FRMD4A: variants seen among roughly 807,000 people sequenced by gnomAD.
FRMD4A encodes FERM domain-containing protein 4A.
FRMD4A carries 29 observed loss-of-function variants against 129.1 expected under a neutral mutation model. The observed-to-expected ratio is 0.22, with a 90% CI of 0.17 to 0.31. FRMD4A has a LOEUF of 0.31. Among genes scored for constraint, FRMD4A ranks in the 10% least tolerant of loss-of-function variants. The pLI, the probability that FRMD4A is intolerant of heterozygous loss-of-function variation, is 1.00. For synonymous variants in FRMD4A, 634 were observed against 571.6 expected, an observed-to-expected ratio of 1.11 and a Z score of -1.56; for missense variants, 1,272 against 1,375.8, an observed-to-expected ratio of 0.92 and a Z score of 1.19.
At chr10:13,972,134 T>C in intron 2 of FRMD4A, 1 of 1,073,232 alleles carries the variant, frequency 9.3e-7, no homozygotes, top group Non-Finnish European at 1.1e-6. Context: ...CTCAGTGGAC[T>C]GAGGCTGGCT....
intron 2 of FRMD4A, among the ~76,000 whole-genome samples, chr10:13,868,255 A>T (rs996504107): frequency 6.6e-6 from 1 of 152,044 alleles, no homozygotes; most frequent in Non-Finnish European, 1.5e-5. Context: ...TAAAAATTTT[A>T]TATAACCATT....
chr10:13,654,000 C>A, intron 23 of FRMD4A: 1 of 303,996 alleles, frequency 3.3e-6, no homozygotes, highest in Non-Finnish European at 5.9e-6. Context: ...CATCCTAAGA[C>A]ACTGGCTGTT....
At chr10:13,712,797 G>T (rs1015171878) in intron 12 of FRMD4A, among the ~76,000 whole-genome samples, 6 of 152,214 alleles carry the variant, frequency 3.9e-5, no homozygotes, top group African/African-American at 1.4e-4. Context: ...AAACAAAAGT[G>T]GGTAATAAAT....
chr10:13,904,550 T>C (rs2094858804), intron 2 of FRMD4A, among the ~76,000 whole-genome samples: 1 of 152,218 alleles, frequency 6.6e-6, no homozygotes, highest in African/African-American at 2.4e-5. Context: ...GCTTTGTGTT[T>C]TAATAATTTT....
intron 2 of FRMD4A, among the ~76,000 whole-genome samples, chr10:13,939,299 T>C (rs575811381): frequency 2.4e-4 from 36 of 152,350 alleles, no homozygotes; most frequent in Admixed American, 1.9e-3. Flanking sequence ...ATTTTGGATC[T>C]ACTTTTTATT....
chr10:13,911,173 T>C (rs1029615542), intron 2 of FRMD4A, among the ~76,000 whole-genome samples: 1 of 152,044 alleles, frequency 6.6e-6, no homozygotes, highest in Non-Finnish European at 1.5e-5. Flanking sequence ...TCATGAAGAG[T>C]GGCTCACAAA....
intron 2 of FRMD4A, among the ~76,000 whole-genome samples, chr10:14,213,454 G>T (rs11258945): frequency 0.017 from 2,551 of 152,236 alleles, 85 homozygotes; most frequent in East Asian, 0.15. Context: ...GCTTGTCTGA[G>T]GCCACACAGA....
chr10:14,026,934 TTC>T (rs1214331817), intron 2 of FRMD4A, among the ~76,000 whole-genome samples: 11 of 152,192 alleles, frequency 7.2e-5, no homozygotes, highest in South Asian at 2.1e-4. Flanking sequence ...ACATCAAATT[TTC>T]TTTCTTTTTT....
chr10:14,185,114 G>A (rs77724053), intron 2 of FRMD4A, among the ~76,000 whole-genome samples: 2,003 of 152,270 alleles, frequency 0.013, 38 homozygotes, highest in African/African-American at 0.046. Context: ...TTTTGCCAAT[G>A]TCTGTGTCTG....
rs191752564 is a variant in FRMD4A, at chr10:14,153,819, A to C, written c.45+176239T>G. Among the ~76,000 whole-genome samples the C allele has an allele frequency of 1.9e-4, 29 of 152,214 alleles. No homozygotes were observed. The East Asian group carries it at 5.2e-3, about 27-fold the overall frequency. On this transcript the variant is annotated intron_variant, in intron 2 of 24. Coordinates refer to ENST00000357447, the MANE Select transcript of FRMD4A (RefSeq NM_018027.5). ...AGACAGAACCTTCTCTTTCCTTCTC[A>C]TAGCACGGCCTCCCCTCCCAGACAT...
chr10:13,660,583 G>A lies in FRMD4A; in HGVS notation c.1661-30C>T, dbSNP rs751882871. ...ACAAAGACAGGAAGAGAGGAACTGA[G>A]CCCCGGTCATCCTTCCCACAGGCTG... On this transcript the variant is annotated intron_variant, in intron 19 of 24. Coordinates refer to ENST00000357447, the MANE Select transcript of FRMD4A (RefSeq NM_018027.5). 9 of 1,390,452 alleles carry A rather than the reference G, an allele frequency of 6.5e-6. No individual in the cohort carries two copies. In the South Asian group the frequency reaches 1.0e-4, roughly 16 times the overall value. The allele number at this position is 1,390,452 out of a possible 1,614,324, so 86.1% of individuals were successfully genotyped here. A position where few individuals can be genotyped will look rare whatever the true frequency, so the allele number is the denominator to read the frequency against.
intron 3 of FRMD4A, among the ~76,000 whole-genome samples, chr10:13,811,792 G>T (rs955132038): frequency 6.6e-6 from 1 of 151,948 alleles, no homozygotes; most frequent in African/African-American, 2.4e-5. Context: ...TAGCTTCCAG[G>T]TCATGCATTT....
intron 2 of FRMD4A, among the ~76,000 whole-genome samples, chr10:14,096,687 G>A (rs1836979776): frequency 6.6e-6 from 1 of 152,126 alleles, no homozygotes; most frequent in Non-Finnish European, 1.5e-5. Context: ...AAAATAAGTG[G>A]GCAGATCTGA....
At chr10:14,250,369 G>A (rs909409603) in intron 2 of FRMD4A, among the ~76,000 whole-genome samples, 2 of 152,216 alleles carry the variant, frequency 1.3e-5, no homozygotes, top group Non-Finnish European at 2.9e-5. Flanking sequence ...TAGAATAGCA[G>A]GAGAAATACC....
chr10:14,012,609 G>A (rs1322664554), intron 2 of FRMD4A, among the ~76,000 whole-genome samples: 1 of 152,152 alleles, frequency 6.6e-6, no homozygotes, highest in Non-Finnish European at 1.5e-5. Flanking sequence ...GTGTATGCAC[G>A]GTCACAGGAG....
intron 2 of FRMD4A, among the ~76,000 whole-genome samples, chr10:14,059,089 G>C (rs1834682709): frequency 6.6e-6 from 1 of 152,184 alleles, no homozygotes; most frequent in Admixed American, 6.5e-5. Flanking sequence ...AAGACAAAGA[G>C]CTTACTCCAA....
intron 2 of FRMD4A, among the ~76,000 whole-genome samples, chr10:13,986,187 G>T (rs1231078376): frequency 6.6e-6 from 1 of 152,146 alleles, no homozygotes; most frequent in Non-Finnish European, 1.5e-5. Flanking sequence ...CCCCTGGGAA[G>T]TTTTAAGAAA....
At chr10:13,908,718 A>C (rs1313662157) in intron 2 of FRMD4A, among the ~76,000 whole-genome samples, 1 of 152,198 alleles carries the variant, frequency 6.6e-6, no homozygotes, top group Non-Finnish European at 1.5e-5. Flanking sequence ...TGACCTTCTC[A>C]ACATGTCCAC....
chr10:13,958,281 G>GTTTTTTTTTTT (rs35369777), intron 2 of FRMD4A, among the ~76,000 whole-genome samples: 1 of 104,660 alleles, frequency 9.6e-6, no homozygotes, highest in African/African-American at 3.8e-5. Context: ...CATGACCATT[G>GTTTTTTTTTTT]TTTTTTTTTT....
Sources: allele counts gnomAD v4.1 joint callset (sites outside exome capture counted in the v4.1 genomes callset), GRCh38; gene constraint gnomAD v4.1.1; transcripts MANE v1.5; gene names NCBI Gene and HGNC (gene_info 2026-07-23, HGNC 2026-07-21).